Variants in SLC39A11 observed in about 807,000 individuals in gnomAD.
SLC39A11 encodes the protein solute carrier family 39 member 11.
SLC39A11 carries 33 observed loss-of-function variants against 36.1 expected under a neutral mutation model. The observed-to-expected ratio is 0.91, with a 90% CI of 0.69 to 1.22. The LOEUF (loss-of-function observed/expected upper bound fraction) is 1.22. SLC39A11 is among the 50% of genes most tolerant of loss of function. The pLI is 0.00. For synonymous variants in SLC39A11, 166 were observed against 170.3 expected (o/e 0.97, Z 0.20); for missense variants, 432 against 430.3 (o/e 1.00, Z -0.03).
intron 7 of SLC39A11, among the ~76,000 whole-genome samples, chr17:72,664,950 G>A (rs2070661138): frequency 6.6e-6 from 1 of 152,130 alleles, no homozygotes; most frequent in Non-Finnish European, 1.5e-5. Flanking sequence ...CTTCTACCTT[G>A]GGGCATTTTC....
intron 5 of SLC39A11, among the ~76,000 whole-genome samples, chr17:72,921,051 T>G (rs1321113326): frequency 1.3e-5 from 2 of 152,180 alleles, no homozygotes; most frequent in Non-Finnish European, 2.9e-5. Context: ...ATTCTTGCAT[T>G]TGTTTGTTCG....
intron 7 of SLC39A11, among the ~76,000 whole-genome samples, chr17:72,660,900 T>C (rs2070381067): frequency 6.6e-6 from 1 of 152,042 alleles, no homozygotes; most frequent in South Asian, 2.1e-4. Context: ...GCCAAATGTC[T>C]CCGGGGAGGG....
At chr17:72,922,892 C>A (rs866378503) in intron 5 of SLC39A11, among the ~76,000 whole-genome samples, 1 of 135,440 alleles carries the variant, frequency 7.4e-6, no homozygotes, top group Non-Finnish European at 1.5e-5. Context: ...TCCTTGAACC[C>A]GGGAGGCGGA....
At chr17:72,829,564 G>C (rs966069134) in intron 6 of SLC39A11, among the ~76,000 whole-genome samples, 4 of 152,140 alleles carry the variant, frequency 2.6e-5, no homozygotes, top group African/African-American at 7.2e-5. Context: ...CAGAGGGAAA[G>C]GGAGGATGCT....
At chr17:72,891,472 C>T (rs1432858990) in intron 5 of SLC39A11, among the ~76,000 whole-genome samples, 1 of 152,070 alleles carries the variant, frequency 6.6e-6, no homozygotes, top group African/African-American at 2.4e-5. Context: ...CATCCTGTTC[C>T]CCAGCTGCCT....
chr17:72,760,865 C>T (rs1025871926), intron 6 of SLC39A11, among the ~76,000 whole-genome samples: 13 of 152,126 alleles, frequency 8.5e-5, no homozygotes, highest in African/African-American at 2.4e-4. Context: ...CACTGGGCAA[C>T]GCCTGGAGGG....
intron 7 of SLC39A11, among the ~76,000 whole-genome samples, chr17:72,689,958 G>T (rs1300368577): frequency 6.6e-6 from 1 of 152,226 alleles, no homozygotes; most frequent in Non-Finnish European, 1.5e-5. Context: ...TTTCCAAAGT[G>T]GGGGATGTTC....
rs1385644767 is a variant in SLC39A11, at chr17:72,861,685, AT to A, written c.431-11882del. 9.7e-4 allele frequency among the ~76,000 whole-genome samples: 116 copies of A among 119,610 alleles called. 1 individual carries two copies. The highest frequency in any genetic ancestry group is 2.0e-3 in the Admixed American group (23 of 11,750). 78.5% of individuals were successfully genotyped at this position (119,610 alleles called of 152,430 possible). On this transcript the variant is annotated intron_variant, in intron 5 of 9. Coordinates refer to ENST00000255559, the MANE Select transcript of SLC39A11 (RefSeq NM_139177.4). ...TATATATATATATATATATATATAT[AT>A]ATAAAATATATATATTGGATATATA...
intron 6 of SLC39A11, among the ~76,000 whole-genome samples, chr17:72,781,670 T>G (rs2076324361): frequency 6.6e-6 from 1 of 152,154 alleles, no homozygotes; most frequent in African/African-American, 2.4e-5. Flanking sequence ...CTGCTCACCT[T>G]GGTTTCCCAA....
At chr17:72,860,404 A>G (rs2079916334) in intron 5 of SLC39A11, among the ~76,000 whole-genome samples, 1 of 152,188 alleles carries the variant, frequency 6.6e-6, no homozygotes, top group Admixed American at 6.5e-5. Flanking sequence ...TGTGTGCGAG[A>G]CAGAATATAC....
At chr17:72,908,818 C>A (rs1278502256) in intron 5 of SLC39A11, among the ~76,000 whole-genome samples, 2 of 152,190 alleles carry the variant, frequency 1.3e-5, no homozygotes, top group African/African-American at 4.8e-5. Flanking sequence ...AACTGCCCCA[C>A]GCTGACGCAT....
At chr17:72,745,221 G>C (rs1473864390) in intron 6 of SLC39A11, among the ~76,000 whole-genome samples, 2 of 152,236 alleles carry the variant, frequency 1.3e-5, no homozygotes, top group African/African-American at 4.8e-5. Context: ...ATGGGAAAGG[G>C]CACCTGTACA....
At chr17:73,064,872 A>G (rs535203569) in intron 3 of SLC39A11, among the ~76,000 whole-genome samples, 53 of 152,170 alleles carry the variant, frequency 3.5e-4, no homozygotes, top group African/African-American at 1.2e-3. Flanking sequence ...TCTTCTCACC[A>G]TACTTGGCAG....
At chr17:72,968,034 C>A (rs566896682) in intron 4 of SLC39A11, among the ~76,000 whole-genome samples, 1 of 152,154 alleles carries the variant, frequency 6.6e-6, no homozygotes, top group Non-Finnish European at 1.5e-5. Context: ...GCATCAGCCC[C>A]CATCCAACCT....
intron 4 of SLC39A11, among the ~76,000 whole-genome samples, chr17:72,957,084 T>C (rs1224869821): frequency 6.6e-6 from 1 of 151,992 alleles, no homozygotes; most frequent in African/African-American, 2.4e-5. Flanking sequence ...GGGCCTGTCA[T>C]CTTCCAGCAG....
chr17:72,655,862 G>A (rs753118914), intron 7 of SLC39A11, among the ~76,000 whole-genome samples: 10 of 152,202 alleles, frequency 6.6e-5, no homozygotes, highest in African/African-American at 9.6e-5. Context: ...TAGGGGGTGA[G>A]CCGTGAGCTG....
chr17:72,690,500 T>C (rs2071977851), intron 7 of SLC39A11, among the ~76,000 whole-genome samples: 2 of 152,324 alleles, frequency 1.3e-5, no homozygotes, highest in East Asian at 3.9e-4. Flanking sequence ...AAACACGTAC[T>C]TGTACACACA....
intron 5 of SLC39A11, among the ~76,000 whole-genome samples, chr17:72,904,662 G>A (rs562773161): frequency 5.9e-5 from 9 of 152,280 alleles, no homozygotes; most frequent in African/African-American, 1.9e-4. Flanking sequence ...ACTGGGCCCC[G>A]GTTTGTTTCT....
chr17:72,773,680 C>CACAG (rs879349280), intron 6 of SLC39A11, among the ~76,000 whole-genome samples: 11 of 150,030 alleles, frequency 7.3e-5, no homozygotes, highest in African/African-American at 2.7e-4. Flanking sequence ...CACACACACC[C>CACAG]AGTATATAAA....
Sources: gnomAD v4.1 joint callset for allele counts (sites outside exome capture counted in the v4.1 genomes callset) on GRCh38, gnomAD v4.1.1 for gene constraint, MANE v1.5 for transcripts, NCBI Gene and HGNC (gene_info 2026-07-23, HGNC 2026-07-21) for gene names.